Variants in MTUS2 observed in about 807,000 individuals in gnomAD.
MTUS2 encodes the protein microtubule-associated tumor suppressor candidate 2.
Under a neutral mutation model 114.1 loss-of-function variants are expected in MTUS2, and 40 were observed. That is an observed-to-expected ratio of 0.35 (90% CI 0.27 to 0.46). MTUS2 has a LOEUF of 0.46. Ranked by LOEUF, MTUS2 falls within the 20% of genes least tolerant of loss-of-function variation. MTUS2 has a pLI of 1.00. For synonymous variants in MTUS2, 688 were observed against 672.0 expected (o/e 1.02, Z -0.37); for missense variants, 1,679 against 1,705.4 (o/e 0.98, Z 0.27).
intron 2 of MTUS2, among the ~76,000 whole-genome samples, chr13:28,946,216 C>T (rs2138153311): frequency 6.6e-6 from 1 of 152,246 alleles, no homozygotes; most frequent in South Asian, 2.1e-4. Flanking sequence ...ATTCACCAGT[C>T]TAGCAAGCAT....
chr13:29,350,451 T>A (rs938309970), intron 7 of MTUS2, among the ~76,000 whole-genome samples: 12 of 145,952 alleles, frequency 8.2e-5, no homozygotes, highest in African/African-American at 2.2e-4. Context: ...AGTAATGGTG[T>A]GTTGAATCCT....
intron 6 of MTUS2, among the ~76,000 whole-genome samples, chr13:29,318,804 G>A (rs922079380): frequency 6.6e-6 from 1 of 152,142 alleles, no homozygotes; most frequent in Non-Finnish European, 1.5e-5. Flanking sequence ...CACTCTCTAT[G>A]GATTGCTAGG....
At chr13:29,222,268 TA>T (rs1258814799) in intron 5 of MTUS2, among the ~76,000 whole-genome samples, 1 of 152,176 alleles carries the variant, frequency 6.6e-6, no homozygotes, top group Non-Finnish European at 1.5e-5. Context: ...TCTGTCTGTT[TA>T]TCACTGTACT....
Position 29,058,810 on chromosome 13 carries a change from G to A in MTUS2, c.2446+24685G>A, listed in dbSNP as rs1015637235. Among the ~76,000 whole-genome samples the A allele has an allele frequency of 2.0e-5, 3 of 149,752 alleles. No individual in the cohort carries two copies. The Admixed American group carries it at 2.0e-4, about 10-fold the overall frequency. On this transcript the variant is annotated intron_variant, in intron 4 of 15. Coordinates refer to ENST00000612955, the MANE Select transcript of MTUS2 (RefSeq NM_001033602.4). ...TTCCCAACTATGAGTGAGAACATGC[G>A]GTGTTTGGTTTTTTGTCCTTACGAT...
chr13:29,055,570 A>G (rs562586235), intron 4 of MTUS2, among the ~76,000 whole-genome samples: 3 of 152,040 alleles, frequency 2.0e-5, no homozygotes, highest in Non-Finnish European at 4.4e-5. Context: ...CTTTGTTTCA[A>G]TATGTACTCA....
intron 5 of MTUS2, among the ~76,000 whole-genome samples, chr13:29,138,556 A>G (rs190802873): frequency 1.6e-4 from 20 of 127,138 alleles, no homozygotes; most frequent in African/African-American, 5.0e-4. Flanking sequence ...TGGAAAGACT[A>G]TATTAAAAAT....
intron 5 of MTUS2, among the ~76,000 whole-genome samples, chr13:29,157,247 G>T (rs1433108517): frequency 6.6e-6 from 1 of 152,066 alleles, no homozygotes; most frequent in Non-Finnish European, 1.5e-5. Flanking sequence ...GAATTGTTGG[G>T]TCATGTGCAC....
intron 8 of MTUS2, among the ~76,000 whole-genome samples, chr13:29,401,083 G>A (rs1341704140): frequency 6.6e-6 from 1 of 152,066 alleles, no homozygotes; most frequent in Non-Finnish European, 1.5e-5. Flanking sequence ...CACCTCTCAG[G>A]GTCAAACAAT....
At chr13:29,380,192 A>G (rs1872095473) in intron 8 of MTUS2, among the ~76,000 whole-genome samples, 1 of 152,124 alleles carries the variant, frequency 6.6e-6, no homozygotes, top group Non-Finnish European at 1.5e-5. Flanking sequence ...AGGGTGGTCC[A>G]GTCACTCAGT....
At chr13:29,327,682 GTACAAATGTACAAGATT>G (rs1900585573) in intron 7 of MTUS2, among the ~76,000 whole-genome samples, 5 of 100,190 alleles carry the variant, frequency 5.0e-5, no homozygotes, top group Non-Finnish European at 1.2e-4. Context: ...CCAAATCTTT[GTACAAATGTACAAGATT>G]TGTACAAATC....
At chr13:29,176,647 C>T (rs572336377) in intron 5 of MTUS2, among the ~76,000 whole-genome samples, 1 of 152,328 alleles carries the variant, frequency 6.6e-6, no homozygotes, top group African/African-American at 2.4e-5. Flanking sequence ...TCCCCCAGGC[C>T]TCTTTTATAA....
intron 5 of MTUS2, among the ~76,000 whole-genome samples, chr13:29,101,552 A>T (rs537998965): frequency 6.6e-6 from 1 of 152,320 alleles, no homozygotes; most frequent in South Asian, 2.1e-4. Context: ...TAAAGTATGA[A>T]TGAATAACCT....
At chr13:29,466,342 C>T (rs1879883195) in intron 9 of MTUS2, among the ~76,000 whole-genome samples, 1 of 152,222 alleles carries the variant, frequency 6.6e-6, no homozygotes, top group Admixed American at 6.5e-5. Context: ...CTATTGATAA[C>T]TGCCTGAAAG....
chr13:29,057,936 A>C (rs1158816437), intron 4 of MTUS2, among the ~76,000 whole-genome samples: 1 of 152,066 alleles, frequency 6.6e-6, no homozygotes, highest in Non-Finnish European at 1.5e-5. Flanking sequence ...GGTGGCCAGC[A>C]ATGGTGTTTC....
intron 2 of MTUS2, among the ~76,000 whole-genome samples, chr13:28,971,311 A>C (rs544114772): frequency 9.8e-5 from 15 of 152,318 alleles, no homozygotes; most frequent in Admixed American, 7.8e-4. Flanking sequence ...CCACTGAAAC[A>C]CAGCAAAATG....
chr13:29,254,793 C>T (rs1380380693), intron 5 of MTUS2, among the ~76,000 whole-genome samples: 1 of 152,164 alleles, frequency 6.6e-6, no homozygotes, highest in Non-Finnish European at 1.5e-5. Flanking sequence ...CTGATTACAT[C>T]CACCTCACCT....
chr13:29,147,391 A>G (rs753726380), intron 5 of MTUS2, among the ~76,000 whole-genome samples: 2 of 152,166 alleles, frequency 1.3e-5, no homozygotes, highest in Non-Finnish European at 2.9e-5. Context: ...TATTTAAAAG[A>G]AGGATTTTGT....
At chr13:29,307,986 A>G (rs78190096) in intron 6 of MTUS2, among the ~76,000 whole-genome samples, 1 of 152,336 alleles carries the variant, frequency 6.6e-6, no homozygotes, top group African/African-American at 2.4e-5. Context: ...TCAAAAAAAG[A>G]AAAAGGAAAT....
At position 29,025,981 on chromosome 13, in the gene MTUS2, G is replaced by A. The variant is rs749710416; in HGVS notation, c.1283G>A (p.Ser428Asn). 5.6e-6 allele frequency: 9 copies of A among 1,614,020 alleles called. No individual in the cohort carries two copies. The highest frequency in any genetic ancestry group is 7.6e-6 in the Non-Finnish European group (9 of 1,179,898). Residue 428 changes from serine (S) to asparagine (N), a missense_variant, in exon 3 of 16, where the codon AGC becomes AAC. Around this residue, in one of 3 missense-constraint regions of MTUS2, gnomAD observed 843 missense variants for 770.8 expected, o/e 1.09. Transcript: ENST00000612955. ...AGEKLGERTS[S>N]SFSPGDSHVA... ...GAGAAGTTGGGTGAAAGGACATCCA[G>A]CAGCTTTTCACCAGGTGACAGTCAT...
Sources: gnomAD v4.1 joint callset for allele counts (sites outside exome capture counted in the v4.1 genomes callset) on GRCh38, gnomAD v4.1.1 for gene constraint, gnomAD v4.1.1 regional missense constraint, MANE v1.5 for transcripts, NCBI Gene and HGNC (gene_info 2026-07-23, HGNC 2026-07-21) for gene names.